GRIK3: variants seen among roughly 807,000 people sequenced by gnomAD.
GRIK3 encodes the protein glutamate ionotropic receptor kainate type subunit 3, also known as glutamate receptor ionotropic, kainate 3.
In GRIK3, 29 loss-of-function variants were observed where a neutral mutation model predicts 102.5. That is an observed-to-expected ratio of 0.28 (90% CI 0.21 to 0.39). GRIK3 has a LOEUF of 0.39. GRIK3 is among the 10% of genes least tolerant of loss of function. GRIK3 has a pLI of 1.00. For synonymous variants in GRIK3, 511 were observed against 504.9 expected, an observed-to-expected ratio of 1.01 and a Z score of -0.16; for missense variants, 908 against 1,252.4, an observed-to-expected ratio of 0.73 and a Z score of 4.15.
chr1:37,017,369 TA>T (rs774819790), intron 1 of GRIK3, among the ~76,000 whole-genome samples: 1,225 of 48,458 alleles, frequency 0.025, 13 homozygotes, highest in South Asian at 0.031. Context: ...CCCTGTCTCT[TA>T]AAAAAAAAAA....
intron 1 of GRIK3, among the ~76,000 whole-genome samples, chr1:37,003,924 G>C (rs1642505331): frequency 6.6e-6 from 1 of 152,194 alleles, no homozygotes; most frequent in Admixed American, 6.5e-5. Context: ...ACTGCAGAAA[G>C]AAGGGAGAGG....
chr1:36,976,091 G>A (rs1221672042), intron 1 of GRIK3, among the ~76,000 whole-genome samples: 3 of 152,170 alleles, frequency 2.0e-5, no homozygotes, highest in African/African-American at 7.2e-5. Context: ...GAAGCACTGG[G>A]TTCTCCTGCT....
intron 1 of GRIK3, among the ~76,000 whole-genome samples, chr1:36,938,306 G>C (rs779365608): frequency 1.2e-4 from 18 of 152,178 alleles, no homozygotes; most frequent in African/African-American, 4.1e-4. Flanking sequence ...CCCGTTCCAG[G>C]TCAGGCAATG....
chr1:36,924,343 G>A (rs1309575142), intron 1 of GRIK3, among the ~76,000 whole-genome samples: 2 of 152,228 alleles, frequency 1.3e-5, no homozygotes, highest in Middle Eastern at 6.3e-3. Flanking sequence ...GACGAAAGCA[G>A]GGCCTGGTGC....
At chr1:36,829,646 G>A (rs1277253648) in intron 10 of GRIK3, among the ~76,000 whole-genome samples, 1 of 152,012 alleles carries the variant, frequency 6.6e-6, no homozygotes, top group East Asian at 1.9e-4. Context: ...ATCCCCATAA[G>A]CAGCTTTCCA....
At chr1:36,834,689 G>A (rs1347904026) in intron 10 of GRIK3, among the ~76,000 whole-genome samples, 1 of 152,072 alleles carries the variant, frequency 6.6e-6, no homozygotes, top group African/African-American at 2.4e-5. Flanking sequence ...CCTGCTTCAG[G>A]GCGCACTCCA....
At chr1:36,863,749 A>G (rs1227133627) in intron 5 of GRIK3, among the ~76,000 whole-genome samples, 1 of 152,054 alleles carries the variant, frequency 6.6e-6, no homozygotes, top group African/African-American at 2.4e-5. Context: ...TCTTATCCTG[A>G]GACTTCTGGG....
At chr1:37,003,010 T>G (rs2124036828) in intron 1 of GRIK3, among the ~76,000 whole-genome samples, 2 of 130,846 alleles carry the variant, frequency 1.5e-5, no homozygotes, top group South Asian at 5.4e-4. Context: ...AAAGGGTTAA[T>G]AAAAGCTGTT....
In GRIK3 at chr1:36,825,309, T is replaced by C. The variant is rs113966207; in HGVS notation, c.1754+294A>G. Among the ~76,000 whole-genome samples, 949 of 152,264 alleles carry C rather than the reference T, an allele frequency of 6.2e-3. 11 individuals are homozygous for C. Among genetic ancestry groups the C allele is most frequent in the African/African-American group, 0.018 (748 of 41,570 alleles). On this transcript the variant is annotated intron_variant, in intron 11 of 15. Coordinates refer to ENST00000373091, the MANE Select transcript of GRIK3 (RefSeq NM_000831.4). ...ATGTGGTGCCACTTTGGGCAACCAC[T>C]TGACCTCTACGAGCCTGCCAATGGG... is the stretch of plus-strand genomic sequence containing the variant.
chr1:36,994,698 C>A (rs914190964), intron 1 of GRIK3, among the ~76,000 whole-genome samples: 1 of 152,208 alleles, frequency 6.6e-6, no homozygotes, highest in African/African-American at 2.4e-5. Context: ...TATTGTAGAG[C>A]CTTTATTTTT....
intron 1 of GRIK3, among the ~76,000 whole-genome samples, chr1:37,026,925 A>G (rs1043190213): frequency 1.3e-5 from 2 of 152,086 alleles, no homozygotes; most frequent in Non-Finnish European, 2.9e-5. Flanking sequence ...CCATCTTAGA[A>G]TCAATGAAAT....
chr1:36,910,245 T>C (rs1319248652), intron 1 of GRIK3, among the ~76,000 whole-genome samples: 2 of 152,194 alleles, frequency 1.3e-5, no homozygotes, highest in Non-Finnish European at 1.5e-5. Flanking sequence ...CCAGGCTCCA[T>C]TTGTCCTCAG....
chr1:36,871,330 C>T (rs1640841031), intron 4 of GRIK3, among the ~76,000 whole-genome samples: 2 of 152,202 alleles, frequency 1.3e-5, no homozygotes, highest in African/African-American at 4.8e-5. Context: ...GAGGATGGGA[C>T]TTGAGCCCCT....
Position 36,805,111 on chromosome 1 carries a change from C to G in GRIK3, c.2441G>C (p.Ser814Thr), listed in dbSNP as rs1163928064. ...GCPEEENKEASALGIQKIGGI... is the reference protein window; with the variant it reads ...GCPEEENKEATALGIQKIGGI... ...CCCGATCTTCTGGATCCCCAGGGCACTGGCCTCTTTGTTTTCCTCCTCAGG... is the reference window on the plus strand; with the variant it reads ...CCCGATCTTCTGGATCCCCAGGGCAGTGGCCTCTTTGTTTTCCTCCTCAGG... Residue 814 changes from serine to threonine, a missense_variant, in exon 15 of 16, where the codon AGT (serine) becomes ACT (threonine). Ser to Thr is a moderately conservative substitution (Grantham distance 58, BLOSUM62 1). This residue lies in a region of GRIK3 where 297 missense variants were observed against 362.7 expected (regional missense o/e 0.82). Coordinates refer to ENST00000373091, the MANE Select transcript of GRIK3 (RefSeq NM_000831.4). The G allele has an allele frequency of 6.8e-6, 11 of 1,614,118 alleles. No individual in the cohort carries two copies. Among genetic ancestry groups the G allele is most frequent in the African/African-American group, 1.3e-5 (1 of 74,940 alleles).
chr1:36,900,907 C>T (rs1171813162), intron 1 of GRIK3, among the ~76,000 whole-genome samples: 2 of 151,828 alleles, frequency 1.3e-5, no homozygotes, highest in East Asian at 1.9e-4. Context: ...AAAAGATTAT[C>T]GAGGAATATT....
chr1:36,988,453 C>T (rs572068543), intron 1 of GRIK3, among the ~76,000 whole-genome samples: 1 of 152,254 alleles, frequency 6.6e-6, no homozygotes, highest in Non-Finnish European at 1.5e-5. Flanking sequence ...TGGGAACACC[C>T]AAGCCCGCCC....
chr1:36,820,542 G>C (rs1007062394), intron 11 of GRIK3, among the ~76,000 whole-genome samples: 1 of 152,038 alleles, frequency 6.6e-6, no homozygotes, highest in African/African-American at 2.4e-5. Flanking sequence ...TCTGGGGAGG[G>C]GCATCAAAAT....
chr1:36,918,552 A>G (rs1641432404), intron 1 of GRIK3, among the ~76,000 whole-genome samples: 1 of 152,124 alleles, frequency 6.6e-6, no homozygotes, highest in South Asian at 2.1e-4. Context: ...ACCCCTAAAT[A>G]TTAATATTAG....
At chr1:36,838,724 G>T (rs751640277) in intron 10 of GRIK3, among the ~76,000 whole-genome samples, 1 of 152,140 alleles carries the variant, frequency 6.6e-6, no homozygotes, top group Non-Finnish European at 1.5e-5. Flanking sequence ...TCATCTTTAC[G>T]CCTACATTCA....
Sources: gnomAD v4.1 joint callset for allele counts (sites outside exome capture counted in the v4.1 genomes callset) on GRCh38, gnomAD v4.1.1 for gene constraint, gnomAD v4.1.1 regional missense constraint, MANE v1.5 for transcripts, NCBI Gene and HGNC (gene_info 2026-07-23, HGNC 2026-07-21) for gene names.